ZMIZ1: variants seen among roughly 807,000 people sequenced by gnomAD.
ZMIZ1 encodes zinc finger MIZ domain-containing protein 1.
Under a neutral mutation model 113.9 loss-of-function variants are expected in ZMIZ1, and 17 were observed. The ratio of observed to expected loss-of-function variants is 0.15; its 90% confidence interval spans 0.10 to 0.22. The LOEUF is 0.22. ZMIZ1 is among the 10% of genes least tolerant of loss of function. The pLI, the probability that ZMIZ1 is intolerant of heterozygous loss-of-function variation, is 1.00. For synonymous variants in ZMIZ1, 607 were observed against 603.1 expected (o/e 1.01, Z -0.09); for missense variants, 1,059 against 1,477.8 (o/e 0.72, Z 4.65).
At chr10:79,213,211 GA>G (rs996646201) in intron 6 of ZMIZ1, among the ~76,000 whole-genome samples, 2 of 152,164 alleles carry the variant, frequency 1.3e-5, no homozygotes, top group Admixed American at 1.3e-4. Flanking sequence ...GGGCCTCTCT[GA>G]AAAACAAGCT....
At position 79,234,442 on chromosome 10, in the gene ZMIZ1, A is replaced by G. The variant is rs1414805946; in HGVS notation, c.280+18168A>G. On this transcript the variant is annotated intron_variant, in intron 7 of 24. Coordinates refer to ENST00000334512, the MANE Select transcript of ZMIZ1 (RefSeq NM_020338.4). ...GGAAAAGGTCTTAACTTTGGATTTC[A>G]TTCTGAAATGAAAGTGGTTTTATGG... 5.3e-5 allele frequency among the ~76,000 whole-genome samples: 8 copies of G among 152,284 alleles called. No individual in the cohort carries two copies. In the East Asian group the frequency reaches 1.2e-3, roughly 22 times the overall value.
chr10:79,140,031 T>TA (rs1247908054), intron 3 of ZMIZ1, among the ~76,000 whole-genome samples: 3 of 152,366 alleles, frequency 2.0e-5, no homozygotes, highest in Non-Finnish European at 2.9e-5. Context: ...GTCCTGTACT[T>TA]ACCTCAGTTC....
intron 7 of ZMIZ1, among the ~76,000 whole-genome samples, chr10:79,262,125 TC>T (rs913252307): frequency 3.3e-5 from 5 of 152,090 alleles, no homozygotes; most frequent in Non-Finnish European, 5.9e-5. Context: ...AAAGAATGTT[TC>T]CCCCCTCATC....
intron 3 of ZMIZ1, among the ~76,000 whole-genome samples, chr10:79,144,183 T>G (rs1274081727): frequency 6.6e-6 from 1 of 152,226 alleles, no homozygotes; most frequent in Non-Finnish European, 1.5e-5. Context: ...TAAATCCTTG[T>G]ACTGCTTTGG....
intron 1 of ZMIZ1, among the ~76,000 whole-genome samples, chr10:79,074,397 C>T (rs1842402171): frequency 6.6e-6 from 1 of 152,162 alleles, no homozygotes; most frequent in South Asian, 2.1e-4. Flanking sequence ...ACCTGTCTTC[C>T]CCCTCCCATA....
intron 2 of ZMIZ1, among the ~76,000 whole-genome samples, chr10:79,135,425 T>C (rs1844957854): frequency 6.6e-6 from 1 of 152,166 alleles, no homozygotes; most frequent in South Asian, 2.1e-4. Context: ...TCACTGGGAC[T>C]CTGTTGGGGG....
chr10:79,139,582 C>A, intron 2 of ZMIZ1, 100 bp from the exon 3 acceptor site: 2 of 397,442 alleles, frequency 5.0e-6, no homozygotes, highest in Non-Finnish European at 8.9e-6. Flanking sequence ...ACCCAAGAGG[C>A]CGCTGAGATT....
intron 4 of ZMIZ1, among the ~76,000 whole-genome samples, chr10:79,195,304 C>T (rs1847787569): frequency 6.6e-6 from 1 of 152,254 alleles, no homozygotes; most frequent in African/African-American, 2.4e-5. Flanking sequence ...AAAGCAGGGT[C>T]CTGATCCCCC....
chr10:79,162,788 C>T (rs1207561913), intron 4 of ZMIZ1, among the ~76,000 whole-genome samples: 1 of 152,182 alleles, frequency 6.6e-6, no homozygotes, highest in Admixed American at 6.5e-5. Context: ...TCCCCACACA[C>T]CTCAGTTTCC....
intron 1 of ZMIZ1, among the ~76,000 whole-genome samples, chr10:79,084,061 A>G (rs542785850): frequency 1.3e-5 from 2 of 152,146 alleles, no homozygotes; most frequent in South Asian, 4.1e-4. Context: ...ACTCCACTCT[A>G]TGCACCATAG....
intron 4 of ZMIZ1, among the ~76,000 whole-genome samples, chr10:79,198,682 C>T (rs975359537): frequency 6.6e-6 from 1 of 152,234 alleles, no homozygotes; most frequent in Non-Finnish European, 1.5e-5. Flanking sequence ...GTTCTCTAGA[C>T]TAATTCACAC....
chr10:79,173,145 G>T (rs1589375872), intron 4 of ZMIZ1, among the ~76,000 whole-genome samples: 1 of 152,210 alleles, frequency 6.6e-6, no homozygotes, highest in East Asian at 1.9e-4. Flanking sequence ...GAGGGCTCTG[G>T]GCTGAGGAAC....
At chr10:79,092,704 C>T (rs1159613362) in intron 1 of ZMIZ1, among the ~76,000 whole-genome samples, 1 of 152,174 alleles carries the variant, frequency 6.6e-6, no homozygotes, top group African/African-American at 2.4e-5. Flanking sequence ...CCTGATTAGT[C>T]TACTTGGTTA....
At chr10:79,108,061 G>T (rs777144734) in intron 1 of ZMIZ1, among the ~76,000 whole-genome samples, 31 of 152,138 alleles carry the variant, frequency 2.0e-4, no homozygotes, top group Non-Finnish European at 3.5e-4. Flanking sequence ...CTGCTTCCAG[G>T]CTAGTGTTGA....
intron 17 of ZMIZ1, 126 bp downstream of exon 17, chr10:79,301,068 A>G: frequency 7.3e-7 from 1 of 1,363,010 alleles, no homozygotes. Context: ...CCGTGCCCAC[A>G]GCCGCCAAAG....
intron 1 of ZMIZ1, among the ~76,000 whole-genome samples, chr10:79,074,780 G>A (rs937503644): frequency 6.6e-6 from 1 of 152,244 alleles, no homozygotes; most frequent in Non-Finnish European, 1.5e-5. Flanking sequence ...CCTAGGACAA[G>A]GCTGTAGCTA....
intron 10 of ZMIZ1, among the ~76,000 whole-genome samples, chr10:79,291,425 TCCTCAAAA>T (rs1363714070): frequency 6.6e-6 from 1 of 152,244 alleles, no homozygotes; most frequent in African/African-American, 2.4e-5. Flanking sequence ...ACATTCTTAC[TCCTCAAAA>T]CCTCAAAACA....
chr10:79,137,832 G>T (rs990733074), intron 2 of ZMIZ1, among the ~76,000 whole-genome samples: 12 of 152,090 alleles, frequency 7.9e-5, no homozygotes, highest in South Asian at 2.1e-4. Flanking sequence ...CGGCTGGGGG[G>T]GGGGTGCTCC....
chr10:79,197,642 A>C (rs187480937), intron 4 of ZMIZ1, among the ~76,000 whole-genome samples: 161 of 145,550 alleles, frequency 1.1e-3, no homozygotes, highest in African/African-American at 3.8e-3. Flanking sequence ...ACACACACAC[A>C]CCTGTACCCT....
Sources: allele counts gnomAD v4.1 joint callset (sites outside exome capture counted in the v4.1 genomes callset), GRCh38; gene constraint gnomAD v4.1.1; transcripts MANE v1.5; gene names NCBI Gene and HGNC (gene_info 2026-07-23, HGNC 2026-07-21).